The following SVOP variants were observed in gnomAD, a reference collection of about 807,000 sequenced individuals.
SVOP encodes synaptic vesicle 2-related protein.
Under a neutral mutation model 69.1 loss-of-function variants are expected in SVOP, and 17 were observed. The observed-to-expected ratio is 0.25, with a 90% CI of 0.17 to 0.37. The LOEUF (loss-of-function observed/expected upper bound fraction) is 0.37. Ranked by LOEUF, SVOP falls within the 10% of genes least tolerant of loss-of-function variation. The pLI is 1.00. For missense variants in SVOP, 435 were observed against 597.5 expected (o/e 0.73, Z 2.84); for synonymous variants, 238 against 238.6 (o/e 1.00, Z 0.02).
In SVOP at chr12:108,940,845, C is replaced by G; in HGVS notation, c.707G>C (p.Gly236Ala). ...VLAVFVMPSLGWRWLLILSAV... is the reference protein window; with the variant it reads ...VLAVFVMPSLAWRWLLILSAV... ...TGAGAGGATGAGCAGCCAACGCCAG[C>G]CCAGGCTGGGCATCACGAACACAGC... Residue 236 changes from glycine to alanine, a missense_variant, in exon 8 of 16, where the codon GGC becomes GCC. Physicochemically the swap from Gly to Ala is moderately conservative, Grantham distance 60 (BLOSUM62 0). Transcript: ENST00000610966. 1 of 1,537,214 alleles carries G rather than the reference C, an allele frequency of 6.5e-7. No individual in the cohort carries two copies. Among genetic ancestry groups the G allele is most frequent in the Non-Finnish European group, 8.7e-7 (1 of 1,146,894 alleles).
chr12:108,930,974 C>T (rs2039813857), intron 11 of SVOP, among the ~76,000 whole-genome samples: 1 of 152,206 alleles, frequency 6.6e-6, no homozygotes, highest in African/African-American at 2.4e-5. Context: ...ATATTTACTA[C>T]CTGACCTTTT....
chr12:108,939,090 TG>T (rs1041902172), intron 8 of SVOP, 135 bp from the exon 9 acceptor site: 1 of 1,238,950 alleles, frequency 8.1e-7, no homozygotes, highest in African/African-American at 1.5e-5. Context: ...CTTCAAATCC[TG>T]GCCCCACCAT....
chr12:108,983,179 C>T (rs959283146), intron 2 of SVOP, among the ~76,000 whole-genome samples: 8 of 151,852 alleles, frequency 5.3e-5, no homozygotes, highest in African/African-American at 1.9e-4. Context: ...TCACCATTGC[C>T]ATCTTTATCA....
rs2040013582 is a variant in SVOP at position 108,960,753 on chromosome 12, T to C, written c.578+170A>G. Among the ~76,000 whole-genome samples the C allele has an allele frequency of 8.5e-5, 13 of 152,196 alleles. No individual in the cohort carries two copies. In the South Asian group the frequency reaches 2.5e-3, roughly 29 times the overall value. On this transcript the variant is annotated intron_variant, in intron 6 of 15. Coordinates refer to ENST00000610966, the MANE Select transcript of SVOP (RefSeq NM_018711.5). ...CTGTTGTTGATCATAACAATACTGATAATGATGCTATTTTCTTGCTACACC... is the reference window on the plus strand; with the variant it reads ...CTGTTGTTGATCATAACAATACTGACAATGATGCTATTTTCTTGCTACACC...
Position 108,938,797 on chromosome 12 carries a change from A to C in SVOP, c.897+30T>G, listed in dbSNP as rs756636582. The C allele has an allele frequency of 1.9e-6, 3 of 1,613,736 alleles. No individual in the cohort carries two copies. The South Asian group carries it at 3.3e-5, about 18-fold the overall frequency. ...CCCCTGCATGCACCCCGATACGCAC[A>C]TTGCAGAGTCTATTGGTCCAGGCAC... is the stretch of plus-strand genomic sequence containing the variant. On this transcript the variant is annotated intron_variant, in intron 9 of 15. Coordinates refer to ENST00000610966, the MANE Select transcript of SVOP (RefSeq NM_018711.5).
chr12:108,968,489 G>T (rs1339797026), intron 5 of SVOP, among the ~76,000 whole-genome samples: 3 of 152,126 alleles, frequency 2.0e-5, no homozygotes, highest in Non-Finnish European at 4.4e-5. Flanking sequence ...ATGAATGGTA[G>T]CTATGAATAT....
intron 1 of SVOP, among the ~76,000 whole-genome samples, chr12:109,015,017 G>GCCCA (rs1566069799): frequency 6.6e-6 from 1 of 152,122 alleles, no homozygotes; most frequent in South Asian, 2.1e-4. Flanking sequence ...GAACCACCAT[G>GCCCA]CCCAGCTCAG....
intron 6 of SVOP, among the ~76,000 whole-genome samples, chr12:108,948,982 C>G (rs2039939367): frequency 6.6e-6 from 1 of 152,246 alleles, no homozygotes. Flanking sequence ...AGTCAAACTA[C>G]TAATCATGCA....
At chr12:108,924,561 G>A (rs920535388) in intron 11 of SVOP, among the ~76,000 whole-genome samples, 1 of 152,034 alleles carries the variant, frequency 6.6e-6, no homozygotes, top group South Asian at 2.1e-4. Context: ...TCTCATCACT[G>A]CTGAGACAGA....
intron 11 of SVOP, among the ~76,000 whole-genome samples, chr12:108,923,873 T>C (rs897152679): frequency 4.6e-5 from 7 of 152,144 alleles, no homozygotes; most frequent in Non-Finnish European, 1.0e-4. Flanking sequence ...GGATGAATGC[T>C]ACATTGCTCC....
At chr12:108,979,533 T>C (rs1438504078) in intron 2 of SVOP, among the ~76,000 whole-genome samples, 1 of 152,178 alleles carries the variant, frequency 6.6e-6, no homozygotes, top group Admixed American at 6.5e-5. Flanking sequence ...TGAGCCACCA[T>C]GCCCGGCCTG....
At chr12:109,012,871 G>A (rs768963626) in intron 1 of SVOP, among the ~76,000 whole-genome samples, 2 of 152,292 alleles carry the variant, frequency 1.3e-5, no homozygotes, top group East Asian at 1.9e-4. Flanking sequence ...TGAGGCTGCC[G>A]TGAGCCATGA....
chr12:108,983,725 C>T lies in SVOP; in HGVS notation c.72G>A (p.Arg24=), dbSNP rs2040154085. The T allele has an allele frequency of 2.5e-6, 1 of 398,682 alleles. No homozygotes were observed. Among genetic ancestry groups the T allele is most frequent in the Admixed American group, 4.4e-5 (1 of 22,718 alleles). 24.7% of individuals were successfully genotyped at this position (398,682 alleles called of 1,614,324 possible). ...VKFRRTGESA[R]SEDDTASGEH... ...CTCCTGAAGCCGTGTCGTCCTCTGA[C>T]CTTGCACTCTCGCCTGTGCGACGGA... Residue 24 remains arginine (R), a synonymous_variant, in exon 2 of 16, where the codon AGG becomes AGA. Coordinates refer to ENST00000610966, the MANE Select transcript of SVOP (RefSeq NM_018711.5).
Position 109,007,899 on chromosome 12 carries a change from G to A in SVOP, c.35+12935C>T, listed in dbSNP as rs182560750. On this transcript the variant is annotated intron_variant, in intron 1 of 15. Coordinates refer to ENST00000610966, the MANE Select transcript of SVOP (RefSeq NM_018711.5). ...CAAAAAATTAAAAAATTAGCTGACC[G>A]TGGTGGTACGCACCTTTGGTCTCAG... is the stretch of plus-strand genomic sequence containing the variant. Among the ~76,000 whole-genome samples the A allele has an allele frequency of 1.9e-3, 289 of 152,020 alleles. 2 individuals are homozygous for A. Among genetic ancestry groups the A allele is most frequent in the South Asian group, 3.5e-3 (17 of 4,794 alleles).
intron 7 of SVOP, among the ~76,000 whole-genome samples, chr12:108,943,269 A>G (rs1393773598): frequency 1.3e-5 from 2 of 152,000 alleles, no homozygotes; most frequent in Non-Finnish European, 2.9e-5. Context: ...TGACAGAAAA[A>G]TGTCTAACAA....
intron 5 of SVOP, among the ~76,000 whole-genome samples, chr12:108,966,036 C>G (rs1044625480): frequency 2.1e-5 from 3 of 145,794 alleles, no homozygotes; most frequent in African/African-American, 7.5e-5. Flanking sequence ...ACATCTTGCT[C>G]TGTCACCCAG....
At chr12:108,952,760 G>A (rs1310359085) in intron 6 of SVOP, among the ~76,000 whole-genome samples, 3 of 152,186 alleles carry the variant, frequency 2.0e-5, no homozygotes, top group Non-Finnish European at 2.9e-5. Context: ...TCCAGAGGCT[G>A]TGGTGGGAGG....
At chr12:108,927,668 C>T (rs1396848468) in intron 11 of SVOP, among the ~76,000 whole-genome samples, 2 of 147,950 alleles carry the variant, frequency 1.4e-5, no homozygotes, top group South Asian at 2.1e-4. Flanking sequence ...GCACAATCTT[C>T]GCTCACTGCA....
intron 7 of SVOP, among the ~76,000 whole-genome samples, chr12:108,943,813 C>G (rs1445832083): frequency 6.7e-6 from 1 of 148,878 alleles, no homozygotes; most frequent in Non-Finnish European, 1.5e-5. Context: ...CTTTCTCCTC[C>G]TCCTCCTGCT....
Sources: gnomAD v4.1 joint callset for allele counts (sites outside exome capture counted in the v4.1 genomes callset) on GRCh38, gnomAD v4.1.1 for gene constraint, MANE v1.5 for transcripts, NCBI Gene and HGNC (gene_info 2026-07-23, HGNC 2026-07-21) for gene names.